Variants in PHACTR1 observed in about 807,000 individuals in gnomAD.
PHACTR1 encodes the protein phosphatase and actin regulator 1, also known as RPEL repeat containing 1.
In PHACTR1, 16 loss-of-function variants were observed where a neutral mutation model predicts 69.2. The observed-to-expected ratio is 0.23, with a 90% CI of 0.16 to 0.35. The LOEUF is 0.35. Ranked by LOEUF, PHACTR1 falls within the 10% of genes least tolerant of loss-of-function variation. The pLI is 1.00. For missense variants in PHACTR1, 510 were observed against 734.7 expected (o/e 0.69, Z 3.54); for synonymous variants, 312 against 284.5 (o/e 1.10, Z -0.97).
At chr6:12,812,373 C>T (rs893531692) in intron 4 of PHACTR1, among the ~76,000 whole-genome samples, 10 of 152,146 alleles carry the variant, frequency 6.6e-5, no homozygotes, top group South Asian at 4.1e-4. Context: ...TTTTTAAACA[C>T]GAACAAAGCA....
intron 10 of PHACTR1, among the ~76,000 whole-genome samples, chr6:13,253,595 T>C (rs1440807797): frequency 6.6e-6 from 1 of 152,142 alleles, no homozygotes; most frequent in Admixed American, 6.5e-5. Flanking sequence ...GTAAGGACAA[T>C]AAGTACAGTG....
At chr6:13,205,620 T>C (rs994119682) in intron 7 of PHACTR1, among the ~76,000 whole-genome samples, 195 bp from the exon 8 acceptor site, 1 of 152,182 alleles carries the variant, frequency 6.6e-6, no homozygotes, top group African/African-American at 2.4e-5. Flanking sequence ...CCAGTGCAAG[T>C]GCACTTGGAG....
chr6:13,089,036 TCTC>T (rs1446925632), intron 5 of PHACTR1, among the ~76,000 whole-genome samples: 1 of 152,194 alleles, frequency 6.6e-6, no homozygotes, highest in Non-Finnish European at 1.5e-5. Flanking sequence ...GGCTGCTTCA[TCTC>T]CTCTGTCTCC....
chr6:13,049,654 G>A (rs1805621115), intron 4 of PHACTR1, among the ~76,000 whole-genome samples: 1 of 152,140 alleles, frequency 6.6e-6, no homozygotes, highest in South Asian at 2.1e-4. Flanking sequence ...ATTTCATTTT[G>A]GCTATAACAC....
intron 5 of PHACTR1, among the ~76,000 whole-genome samples, chr6:13,108,212 A>T (rs969921015): frequency 6.6e-6 from 1 of 152,052 alleles, no homozygotes; most frequent in African/African-American, 2.4e-5. Flanking sequence ...TTTGATTTCT[A>T]AGTTAATTTC....
intron 5 of PHACTR1, among the ~76,000 whole-genome samples, chr6:13,080,076 G>A (rs919199121): frequency 5.9e-5 from 9 of 152,150 alleles, no homozygotes; most frequent in African/African-American, 2.2e-4. Flanking sequence ...ACCCAGTTTT[G>A]TATAAGAAAC....
At chr6:12,801,512 G>C (rs1431080062) in intron 4 of PHACTR1, among the ~76,000 whole-genome samples, 1 of 152,164 alleles carries the variant, frequency 6.6e-6, no homozygotes, top group Non-Finnish European at 1.5e-5. Flanking sequence ...AAATAAAAAA[G>C]AACAGAATAT....
At chr6:13,054,625 C>T (rs977309851) in intron 5 of PHACTR1, among the ~76,000 whole-genome samples, 1 of 152,150 alleles carries the variant, frequency 6.6e-6, no homozygotes, top group East Asian at 1.9e-4. Flanking sequence ...TGTACGTAAG[C>T]GAGTGTGAGC....
intron 6 of PHACTR1, 144 bp from the exon 7 acceptor site, chr6:13,182,375 G>A: frequency 1.1e-6 from 1 of 922,740 alleles, no homozygotes. Flanking sequence ...TGAAATAAAT[G>A]TCTTAAAAGC....
intron 5 of PHACTR1, among the ~76,000 whole-genome samples, chr6:13,140,936 C>T (rs1374209095): frequency 6.6e-6 from 1 of 152,160 alleles, no homozygotes; most frequent in African/African-American, 2.4e-5. Flanking sequence ...TTAGCTCTGT[C>T]AAGTGACAGG....
chr6:13,278,443 G>A (rs1779413151), intron 12 of PHACTR1, 114 bp downstream of exon 12: 2 of 871,142 alleles, frequency 2.3e-6, no homozygotes, highest in Non-Finnish European at 3.6e-6. Flanking sequence ...CTCCTCCTGT[G>A]TCAGAGAGTG....
At chr6:12,772,601 C>A (rs1769529873) in intron 4 of PHACTR1, among the ~76,000 whole-genome samples, 1 of 152,162 alleles carries the variant, frequency 6.6e-6, no homozygotes, top group Non-Finnish European at 1.5e-5. Flanking sequence ...TCCCATAGTA[C>A]TCAGACCATA....
intron 10 of PHACTR1, among the ~76,000 whole-genome samples, chr6:13,255,240 C>G (rs12525892): frequency 6.6e-6 from 1 of 152,104 alleles, no homozygotes; most frequent in African/African-American, 2.4e-5. Flanking sequence ...AGAACTCATT[C>G]ACTATCAGGA....
At chr6:12,906,789 A>G (rs1785779245) in intron 4 of PHACTR1, among the ~76,000 whole-genome samples, 2 of 152,212 alleles carry the variant, frequency 1.3e-5, no homozygotes, top group Admixed American at 6.5e-5. Context: ...CCAGTCCCCC[A>G]AAAGAACTCC....
At chr6:12,942,844 A>G (rs1215637640) in intron 4 of PHACTR1, among the ~76,000 whole-genome samples, 1 of 152,200 alleles carries the variant, frequency 6.6e-6, no homozygotes, top group Non-Finnish European at 1.5e-5. Context: ...AAGCACACAT[A>G]TCCCAAAGCT....
intron 4 of PHACTR1, among the ~76,000 whole-genome samples, chr6:12,892,902 G>A (rs573176665): frequency 3.0e-4 from 46 of 152,160 alleles, no homozygotes; most frequent in Non-Finnish European, 6.3e-4. Flanking sequence ...TTGGCATTGG[G>A]GCAGTGGGGC....
intron 10 of PHACTR1, among the ~76,000 whole-genome samples, chr6:13,232,560 G>A (rs1329307976): frequency 1.3e-5 from 2 of 152,166 alleles, no homozygotes; most frequent in Non-Finnish European, 2.9e-5. Context: ...CCCATTGTTG[G>A]AGAGCCTTAT....
chr6:12,902,596 C>T (rs976724016), intron 4 of PHACTR1, among the ~76,000 whole-genome samples: 5 of 152,196 alleles, frequency 3.3e-5, no homozygotes, highest in Admixed American at 6.5e-5. Flanking sequence ...CCCAGTTCAT[C>T]TCTGTGGTAT....
intron 7 of PHACTR1, among the ~76,000 whole-genome samples, chr6:13,200,177 G>A (rs1193740603): frequency 6.6e-6 from 1 of 152,142 alleles, no homozygotes; most frequent in Non-Finnish European, 1.5e-5. Flanking sequence ...CTGAGCCAGT[G>A]ATTCTCAGCT....
Sources: allele counts gnomAD v4.1 joint callset (sites outside exome capture counted in the v4.1 genomes callset), GRCh38; gene constraint gnomAD v4.1.1; transcripts MANE v1.5; gene names NCBI Gene and HGNC (gene_info 2026-07-23, HGNC 2026-07-21).